ALDH9A1: variants seen among roughly 807,000 people sequenced by gnomAD.
The protein encoded by ALDH9A1 is aldehyde dehydrogenase 9 family member A1, also known as 4-trimethylaminobutyraldehyde dehydrogenase.
ALDH9A1 carries 42 observed loss-of-function variants against 56.6 expected under a neutral mutation model. The ratio of observed to expected loss-of-function variants is 0.74; its 90% confidence interval spans 0.58 to 0.96. The LOEUF is 0.96. ALDH9A1 is among the 40% of genes least tolerant of loss of function. The pLI is 0.00. For missense variants in ALDH9A1, 661 were observed against 651.5 expected (o/e 1.01, Z -0.16); for synonymous variants, 242 against 236.0 (o/e 1.03, Z -0.23).
intron 2 of ALDH9A1, among the ~76,000 whole-genome samples, chr1:165,691,988 C>T (rs913535176): frequency 6.6e-5 from 10 of 152,168 alleles, no homozygotes; most frequent in South Asian, 2.1e-4. Flanking sequence ...TCTCAACAGA[C>T]GCAGAAAAGG....
chr1:165,689,867 G>A (rs987148081), intron 2 of ALDH9A1, among the ~76,000 whole-genome samples: 2 of 151,612 alleles, frequency 1.3e-5, no homozygotes, highest in African/African-American at 4.9e-5. Context: ...CCAGGAGGCG[G>A]AGGTTGCAGT....
chr1:165,668,900 T>A lies in ALDH9A1; in HGVS notation c.1207+26A>T, dbSNP rs542360728. 2.7e-6 allele frequency: 4 copies of A among 1,487,772 alleles called. No individual in the cohort carries two copies. In the African/African-American group the frequency reaches 5.6e-5, roughly 21 times the overall value. The allele number at this position is 1,487,772 out of a possible 1,614,324, so 92.2% of individuals were successfully genotyped here. On this transcript the variant is annotated intron_variant, in intron 8 of 10. Coordinates refer to ENST00000354775, the MANE Select transcript of ALDH9A1 (RefSeq NM_000696.4). ...TATTCAGTATTTAATTCAAATCATCTAAAAGCAAACAAAAAGAGGACATAC... is the reference window on the plus strand; with the variant it reads ...TATTCAGTATTTAATTCAAATCATCAAAAAGCAAACAAAAAGAGGACATAC...
chr1:165,689,200 C>T (rs1217172743), intron 2 of ALDH9A1, among the ~76,000 whole-genome samples: 2 of 152,094 alleles, frequency 1.3e-5, no homozygotes, highest in East Asian at 1.9e-4. Flanking sequence ...GAAAATACTT[C>T]GTTGGGAGAA....
At chr1:165,687,346 A>C (rs888683227) in intron 2 of ALDH9A1, among the ~76,000 whole-genome samples, 6 of 152,160 alleles carry the variant, frequency 3.9e-5, no homozygotes, top group Non-Finnish European at 7.3e-5. Context: ...AAATGAAACA[A>C]ATTTACAGAT....
intron 8 of ALDH9A1, among the ~76,000 whole-genome samples, chr1:165,667,786 G>C (rs1177645111): frequency 6.6e-6 from 1 of 152,148 alleles, no homozygotes; most frequent in Non-Finnish European, 1.5e-5. Context: ...GTTATATACT[G>C]CATCAAATAT....
chr1:165,668,654 T>A (rs1040420666), intron 8 of ALDH9A1: 9 of 267,562 alleles, frequency 3.4e-5, no homozygotes, highest in East Asian at 1.4e-4. Flanking sequence ...TTAATTTTTT[T>A]AATCAAATAT....
At chr1:165,663,379 A>G (rs1648904025) in intron 10 of ALDH9A1, among the ~76,000 whole-genome samples, 1 of 152,242 alleles carries the variant, frequency 6.6e-6, no homozygotes, top group Non-Finnish European at 1.5e-5. Flanking sequence ...TTTCTCACCA[A>G]TAGGAATCTT....
In ALDH9A1 at chr1:165,698,524, G is replaced by T. The variant is rs548627494; in HGVS notation, c.35C>A (p.Pro12Gln). The T allele has an allele frequency of 2.0e-5, 32 of 1,610,300 alleles. No homozygotes were observed. The highest frequency in any genetic ancestry group is 2.2e-5 in the South Asian group (2 of 90,692). ...AGAGGGCCGAAGACTGCGAAGAAGC[G>T]GGGAGAGCGCGGCCAGGCCTGCTCG... is the stretch of plus-strand genomic sequence containing the variant. ...FLRAGLAALSPLLRSLRPSPV... is the reference protein window; with the variant it reads ...FLRAGLAALSQLLRSLRPSPV... Residue 12 changes from proline to glutamine, a missense_variant, in exon 1 of 11, where the codon CCG becomes CAG. Coordinates refer to ENST00000354775, the MANE Select transcript of ALDH9A1 (RefSeq NM_000696.4).
At chr1:165,666,252 G>A (rs1021506683) in intron 9 of ALDH9A1, among the ~76,000 whole-genome samples, 9 of 152,168 alleles carry the variant, frequency 5.9e-5, no homozygotes, top group African/African-American at 1.4e-4. Flanking sequence ...GGGGTGGGGA[G>A]TGGGAATGAA....
At chr1:165,681,266 A>G (rs1649543526) in intron 4 of ALDH9A1, among the ~76,000 whole-genome samples, 1 of 152,222 alleles carries the variant, frequency 6.6e-6, no homozygotes, top group Non-Finnish European at 1.5e-5. Context: ...TCACATTTGC[A>G]TATCTAGGCC....
At chr1:165,670,837 T>C (rs1649154909) in intron 6 of ALDH9A1, among the ~76,000 whole-genome samples, 1 of 152,214 alleles carries the variant, frequency 6.6e-6, no homozygotes, top group Non-Finnish European at 1.5e-5. Context: ...CTTGGGAGGC[T>C]GAGGCAGGTG....
chr1:165,694,563 T>C (rs1311737384), intron 2 of ALDH9A1, among the ~76,000 whole-genome samples: 1 of 152,018 alleles, frequency 6.6e-6, no homozygotes, highest in African/African-American at 2.4e-5. Flanking sequence ...AAAGTAACGA[T>C]ACTTAAAACC....
At chr1:165,677,857 CAAAAAAAA>C (rs35531113) in intron 6 of ALDH9A1, among the ~76,000 whole-genome samples, 1 of 87,166 alleles carries the variant, frequency 1.1e-5, no homozygotes, top group Non-Finnish European at 2.2e-5. Flanking sequence ...GACTCTGTCT[CAAAAAAAA>C]AAAAAAAAAA....
intron 6 of ALDH9A1, chr1:165,671,718 C>A: frequency 2.6e-6 from 1 of 381,486 alleles, no homozygotes; most frequent in South Asian, 2.2e-5. Context: ...ACAGCCTCTG[C>A]CCTGGTTGCA....
In ALDH9A1 at chr1:165,662,815, CA is replaced by C. The variant is rs1648883902; in HGVS notation, c.*234del. 4.0e-6 allele frequency: 2 copies of C among 497,250 alleles called. No homozygotes were observed. The highest frequency in any genetic ancestry group is 3.9e-5 in the African/African-American group (2 of 51,462). The allele number at this position is 497,250 out of a possible 1,614,324, so 30.8% of individuals were successfully genotyped here. On this transcript the variant is annotated 3_prime_UTR_variant, in exon 11 of 11. Coordinates refer to ENST00000354775, the MANE Select transcript of ALDH9A1 (RefSeq NM_000696.4). ...TGTTACTGGCTCTTAAAAGATTTCA[CA>C]AAAATACGCTTTGAGGAGAATCACA...
intron 6 of ALDH9A1, among the ~76,000 whole-genome samples, chr1:165,672,972 A>AACACACACACAC (rs67363579): frequency 1.3e-3 from 162 of 124,246 alleles, no homozygotes; most frequent in African/African-American, 2.9e-3. Context: ...AAAAAATACA[A>AACACACACACAC]ACACACACAC....
intron 2 of ALDH9A1, among the ~76,000 whole-genome samples, chr1:165,692,923 C>G (rs1649941963): frequency 6.6e-6 from 1 of 151,968 alleles, no homozygotes; most frequent in Non-Finnish European, 1.5e-5. Flanking sequence ...CATCTACAAC[C>G]ATCTGATCTT....
At chr1:165,686,901 C>G (rs937186085) in intron 2 of ALDH9A1, among the ~76,000 whole-genome samples, 6 of 152,012 alleles carry the variant, frequency 3.9e-5, no homozygotes, top group Admixed American at 6.6e-5. Flanking sequence ...TCAGAAATAA[C>G]ACAACAGAAC....
In ALDH9A1 at chr1:165,681,852, CT is replaced by C. The variant is rs551387952; in HGVS notation, c.592+254del. Among the ~76,000 whole-genome samples, 528 of 152,238 alleles carry C rather than the reference CT, an allele frequency of 3.5e-3. 4 individuals carry two copies. Among genetic ancestry groups the C allele is most frequent in the African/African-American group, 0.012 (513 of 41,550 alleles). On this transcript the variant is annotated intron_variant, in intron 4 of 10. Coordinates refer to ENST00000354775, the MANE Select transcript of ALDH9A1 (RefSeq NM_000696.4). ...AATTTAATAAGAAAAAATTAAATTT[CT>C]TTTCATATACAAAATTAAATAAATA...
Sources: gnomAD v4.1 joint callset for allele counts (sites outside exome capture counted in the v4.1 genomes callset) on GRCh38, gnomAD v4.1.1 for gene constraint, MANE v1.5 for transcripts, NCBI Gene and HGNC (gene_info 2026-07-23, HGNC 2026-07-21) for gene names.